The following SRPK2 variants were observed in gnomAD, a reference collection of about 807,000 sequenced individuals.
The protein encoded by SRPK2 is SFRS protein kinase 2.
A neutral mutation model predicts 90.8 loss-of-function variants in SRPK2; 21 were observed. The ratio of observed to expected loss-of-function variants is 0.23; its 90% CI spans 0.16 to 0.33. SRPK2 has a LOEUF of 0.33. Among genes scored for constraint, SRPK2 ranks in the 10% least tolerant of loss-of-function variants. The probability of loss-of-function intolerance (pLI) is 1.00; values close to 1 mark genes in which losing one functional copy is unlikely to be tolerated. For synonymous variants in SRPK2, 288 were observed against 311.1 expected (o/e 0.93, Z 0.78); for missense variants, 620 against 869.0 (o/e 0.71, Z 3.60).
chr7:105,342,493 A>G (rs547073269), intron 2 of SRPK2, among the ~76,000 whole-genome samples: 4 of 152,222 alleles, frequency 2.6e-5, no homozygotes, highest in African/African-American at 9.6e-5. Context: ...AGCCATATAA[A>G]AATTTCCTCA....
chr7:105,167,935 C>T, intron 5 of SRPK2, 73 bp downstream of exon 5: 2 of 1,264,618 alleles, frequency 1.6e-6, no homozygotes, highest in Middle Eastern at 2.2e-4. Context: ...TTTAGTATTA[C>T]CCAGAAAAAT....
At chr7:105,343,206 G>A (rs1355222571) in intron 2 of SRPK2, among the ~76,000 whole-genome samples, 1 of 152,130 alleles carries the variant, frequency 6.6e-6, no homozygotes. Context: ...GCAAAGGTGG[G>A]ATGATTGCTT....
At chr7:105,230,463 T>A (rs1799285423) in intron 2 of SRPK2, among the ~76,000 whole-genome samples, 1 of 152,088 alleles carries the variant, frequency 6.6e-6, no homozygotes. Flanking sequence ...AATAGGGAGA[T>A]GGCAAAACCA....
At chr7:105,354,539 A>G (rs1308866627) in intron 2 of SRPK2, among the ~76,000 whole-genome samples, 1 of 152,154 alleles carries the variant, frequency 6.6e-6, no homozygotes, top group African/African-American at 2.4e-5. Context: ...AGCCTGGCAC[A>G]ATTTACTGGG....
chr7:105,224,132 T>C (rs1208237918), intron 2 of SRPK2, among the ~76,000 whole-genome samples: 1 of 152,236 alleles, frequency 6.6e-6, no homozygotes, highest in African/African-American at 2.4e-5. Flanking sequence ...TTAAACGACA[T>C]CTGTACCATA....
At chr7:105,159,417 CAG>C (rs1807079382) in intron 7 of SRPK2, among the ~76,000 whole-genome samples, 1 of 111,912 alleles carries the variant, frequency 8.9e-6, no homozygotes, top group East Asian at 2.5e-4. Context: ...CACTTCACTC[CAG>C]CCTGGGTGAC....
At chr7:105,129,477 C>T (rs535068742) in intron 13 of SRPK2, among the ~76,000 whole-genome samples, 2 of 152,262 alleles carry the variant, frequency 1.3e-5, no homozygotes, top group East Asian at 3.9e-4. Context: ...TGGGTTCAAG[C>T]GATTCTCCTG....
chr7:105,216,492 A>T (rs1797484457), intron 2 of SRPK2, among the ~76,000 whole-genome samples: 1 of 152,152 alleles, frequency 6.6e-6, no homozygotes, highest in Admixed American at 6.5e-5. Flanking sequence ...TCTCTATCAA[A>T]AAAATACAAG....
chr7:105,183,090 A>G (rs1161464500), intron 3 of SRPK2, among the ~76,000 whole-genome samples: 1 of 152,236 alleles, frequency 6.6e-6, no homozygotes, highest in Non-Finnish European at 1.5e-5. Context: ...AGCTCCATAC[A>G]TTTACAAAGC....
intron 2 of SRPK2, among the ~76,000 whole-genome samples, chr7:105,316,230 C>T (rs1235010867): frequency 6.6e-6 from 1 of 152,052 alleles, no homozygotes; most frequent in Non-Finnish European, 1.5e-5. Context: ...TCCCAAAATG[C>T]TGGGATTACA....
At chr7:105,324,304 G>C (rs981725992) in intron 2 of SRPK2, among the ~76,000 whole-genome samples, 9 of 151,042 alleles carry the variant, frequency 6.0e-5, no homozygotes, top group African/African-American at 2.2e-4. Context: ...ACTGCGCCGG[G>C]CCAACTATTC....
intron 2 of SRPK2, among the ~76,000 whole-genome samples, chr7:105,358,783 T>C (rs968734750): frequency 7.2e-5 from 11 of 152,264 alleles, no homozygotes; most frequent in Middle Eastern, 3.4e-3. Context: ...TATCTAAGCC[T>C]GGGTAATTTA....
chr7:105,182,678 G>A (rs1376641431), intron 3 of SRPK2, among the ~76,000 whole-genome samples: 5 of 152,146 alleles, frequency 3.3e-5, no homozygotes, highest in Non-Finnish European at 7.3e-5. Context: ...ATGTTGGCCA[G>A]GCTGGTCTCA....
chr7:105,386,383 GAATA>G (rs1278375865), intron 2 of SRPK2, among the ~76,000 whole-genome samples: 1 of 150,062 alleles, frequency 6.7e-6, no homozygotes, highest in Non-Finnish European at 1.5e-5. Context: ...TTGAAGACAT[GAATA>G]AATAAATAAC....
intron 2 of SRPK2, among the ~76,000 whole-genome samples, chr7:105,276,511 A>G (rs1377017527): frequency 6.6e-6 from 1 of 151,930 alleles, no homozygotes; most frequent in African/African-American, 2.4e-5. Flanking sequence ...CCCAAGGCAG[A>G]AGGACCGCTT....
intron 7 of SRPK2, among the ~76,000 whole-genome samples, chr7:105,151,366 G>A (rs2129578867): frequency 1.3e-5 from 2 of 152,224 alleles, no homozygotes; most frequent in East Asian, 3.9e-4. Context: ...ATCTATGGGA[G>A]GGGGAAACAC....
At chr7:105,382,735 T>G (rs1821091983) in intron 2 of SRPK2, among the ~76,000 whole-genome samples, 1 of 152,112 alleles carries the variant, frequency 6.6e-6, no homozygotes, top group Non-Finnish European at 1.5e-5. Context: ...AGATCAGTGT[T>G]TCCCAAGCTT....
chr7:105,324,284 G>T (rs1260750874), intron 2 of SRPK2, among the ~76,000 whole-genome samples: 1 of 151,706 alleles, frequency 6.6e-6, no homozygotes. Context: ...TGGGATTACA[G>T]ACATGAGCCA....
intron 2 of SRPK2, among the ~76,000 whole-genome samples, chr7:105,360,771 C>T (rs745663915): frequency 2.0e-5 from 3 of 152,038 alleles, no homozygotes; most frequent in Non-Finnish European, 4.4e-5. Flanking sequence ...GTGGGTAACC[C>T]GACAGGCCTT....
Sources: gnomAD v4.1 joint callset for allele counts (sites outside exome capture counted in the v4.1 genomes callset) on GRCh38, gnomAD v4.1.1 for gene constraint, MANE v1.5 for transcripts, NCBI Gene and HGNC (gene_info 2026-07-23, HGNC 2026-07-21) for gene names.